The following DMD variants were observed in gnomAD, a reference collection of about 807,000 sequenced individuals.
DMD encodes dystrophin, also known as mutant dystrophin.
In DMD, 63 loss-of-function variants were observed where a neutral mutation model predicts 330.1. The ratio of observed to expected loss-of-function variants is 0.19; its 90% CI spans 0.16 to 0.24. The LOEUF (loss-of-function observed/expected upper bound fraction) is 0.24. Ranked by LOEUF, DMD falls within the 10% of genes least tolerant of loss-of-function variation. The probability of loss-of-function intolerance (pLI) is 1.00; values close to 1 mark genes in which losing one functional copy is unlikely to be tolerated. For missense variants in DMD, 3,344 were observed against 2,684.1 expected (o/e 1.25, Z -5.43); for synonymous variants, 1,223 against 959.8 (o/e 1.27, Z -5.07).
intron 1 of DMD, among the ~76,000 whole-genome samples, chrX:33,150,490 C>T (rs929012599): frequency 9.2e-6 from 1 of 109,247 alleles, no homozygotes; most frequent in East Asian, 2.9e-4. Flanking sequence ...GTTGGGGTTT[C>T]GCCATACTGG....
At chrX:31,573,889 T>C (rs1427889292) in intron 55 of DMD, among the ~76,000 whole-genome samples, 1 of 110,982 alleles carries the variant, frequency 9.0e-6, no homozygotes, top group African/African-American at 3.3e-5. Flanking sequence ...ACTAACAACA[T>C]ACCAAGCCTT....
chrX:32,576,222 T>C lies in DMD; in HGVS notation c.1603-2376A>G, dbSNP rs182915998. ...ACTGCAGGTAGTACAAAACCCTATA[T>C]ATAGTATTTATGAATTTATTTTTCT... On this transcript the variant is annotated intron_variant, in intron 13 of 78. Coordinates refer to ENST00000357033, the MANE Select transcript of DMD (RefSeq NM_004006.3). Among the ~76,000 whole-genome samples the C allele has an allele frequency of 1.5e-3, 162 of 111,678 alleles. 1 individual carries two copies. The highest frequency in any genetic ancestry group is 4.6e-3 in the Admixed American group (48 of 10,480).
intron 60 of DMD, among the ~76,000 whole-genome samples, chrX:31,362,740 C>T (rs1260126366): frequency 8.9e-6 from 1 of 112,621 alleles, no homozygotes; most frequent in East Asian, 2.8e-4. Flanking sequence ...GTCAGGAGAT[C>T]GAGACCATCC....
chrX:32,066,947 A>G (rs187911764), intron 44 of DMD, among the ~76,000 whole-genome samples: 1 of 111,699 alleles, frequency 9.0e-6, no homozygotes, highest in African/African-American at 3.2e-5. Flanking sequence ...GGAAATGGGG[A>G]TATGTAGAAA....
chrX:31,266,332 G>A (rs762732435), intron 62 of DMD, among the ~76,000 whole-genome samples: 1 of 111,226 alleles, frequency 9.0e-6, no homozygotes, highest in East Asian at 2.8e-4. Flanking sequence ...TGGAATCCTC[G>A]GAAGAAATCA....
At chrX:32,652,984 C>T (rs747550310) in intron 9 of DMD, among the ~76,000 whole-genome samples, 1 of 111,618 alleles carries the variant, frequency 9.0e-6, no homozygotes, top group East Asian at 2.8e-4. Flanking sequence ...CTGTTCATAT[C>T]CTTTGCCCAC....
At chrX:32,953,469 G>A (rs917718557) in intron 2 of DMD, among the ~76,000 whole-genome samples, 2 of 111,347 alleles carry the variant, frequency 1.8e-5, no homozygotes, top group Non-Finnish European at 1.9e-5. Context: ...ATTAAATATC[G>A]GCTAGATACA....
intron 2 of DMD, among the ~76,000 whole-genome samples, chrX:32,991,009 G>T (rs2092958808): frequency 1.8e-5 from 2 of 111,253 alleles, no homozygotes; most frequent in African/African-American, 6.5e-5. Context: ...CCATTCTGGA[G>T]ACTGCTTACC....
At chrX:32,654,894 C>G (rs937947734) in intron 9 of DMD, among the ~76,000 whole-genome samples, 3 of 111,516 alleles carry the variant, frequency 2.7e-5, no homozygotes, top group African/African-American at 6.5e-5. Flanking sequence ...TATGTGTCCA[C>G]GAATTTATCC....
At chrX:31,830,793 A>G (rs1012120626) in intron 49 of DMD, among the ~76,000 whole-genome samples, 1 of 111,627 alleles carries the variant, frequency 9.0e-6, no homozygotes, top group Admixed American at 9.5e-5. Context: ...AAAAACACTC[A>G]TAGAAATAAA....
At chrX:32,542,719 T>C (rs186264631) in intron 17 of DMD, among the ~76,000 whole-genome samples, 1 of 112,413 alleles carries the variant, frequency 8.9e-6, no homozygotes, top group Admixed American at 9.4e-5. Flanking sequence ...ATTACAATAC[T>C]TTAACAAGAT....
intron 49 of DMD, among the ~76,000 whole-genome samples, chrX:31,836,319 T>C (rs1323066159): frequency 8.9e-6 from 1 of 112,434 alleles, no homozygotes; most frequent in African/African-American, 3.2e-5. Context: ...GACCATATTG[T>C]GATTCTTTAC....
intron 47 of DMD, among the ~76,000 whole-genome samples, chrX:31,917,577 T>G (rs2094625788): frequency 8.9e-6 from 1 of 112,498 alleles, no homozygotes; most frequent in Admixed American, 9.4e-5. Flanking sequence ...AGGATTGCCT[T>G]CTCTCACCAC....
chrX:31,734,492 G>GT (rs1254931984), intron 51 of DMD, among the ~76,000 whole-genome samples: 1 of 111,020 alleles, frequency 9.0e-6, no homozygotes, highest in Non-Finnish European at 1.9e-5. Flanking sequence ...TTTAGTTGTC[G>GT]TATCTCCTTA....
At chrX:31,178,431 G>A (rs1016490052) in intron 70 of DMD, 132 of 916,209 alleles carry the variant, frequency 1.4e-4, no homozygotes, top group Non-Finnish European at 1.8e-4. Context: ...ATTGTGTTGT[G>A]GTTTTTTTTT....
chrX:32,083,414 C>T (rs975050632), intron 44 of DMD, among the ~76,000 whole-genome samples: 2 of 109,866 alleles, frequency 1.8e-5, no homozygotes, highest in Non-Finnish European at 3.8e-5. Context: ...CATGCCACTA[C>T]GCCCGGCTGA....
At chrX:32,612,433 T>C (rs1484102783) in intron 12 of DMD, among the ~76,000 whole-genome samples, 1 of 111,831 alleles carries the variant, frequency 8.9e-6, no homozygotes, top group Non-Finnish European at 1.9e-5. Context: ...TTGTAAACTT[T>C]CTTAAAATAT....
chrX:32,592,817 G>A (rs977762646), intron 13 of DMD, among the ~76,000 whole-genome samples: 17 of 112,168 alleles, frequency 1.5e-4, no homozygotes, highest in African/African-American at 4.2e-4. Context: ...GGGCTCTGTG[G>A]TTCCTGGTGT....
At chrX:31,222,003 TA>T (rs1272562064) in intron 64 of DMD, among the ~76,000 whole-genome samples, 3 of 110,048 alleles carry the variant, frequency 2.7e-5, no homozygotes, top group Non-Finnish European at 5.7e-5. Context: ...CCATCCTGGC[TA>T]ACACGGTGAA....
Sources: allele counts gnomAD v4.1 joint callset (sites outside exome capture counted in the v4.1 genomes callset), GRCh38; gene constraint gnomAD v4.1.1; transcripts MANE v1.5; gene names NCBI Gene and HGNC (gene_info 2026-07-23, HGNC 2026-07-21).